The following CRMP1 variants were observed in gnomAD, a reference collection of about 807,000 sequenced individuals.
CRMP1 encodes the protein dihydropyrimidinase-related protein 1.
A neutral mutation model predicts 68.3 loss-of-function variants in CRMP1; 19 were observed. That is an observed-to-expected ratio of 0.28 (90% CI 0.19 to 0.41). The LOEUF (loss-of-function observed/expected upper bound fraction) is 0.41, where lower values mean the gene tolerates loss of function less well. Among genes scored for constraint, CRMP1 ranks in the 10% least tolerant of loss-of-function variants. The pLI, the probability that CRMP1 is intolerant of heterozygous loss-of-function variation, is 1.00. For missense variants in CRMP1, 791 were observed against 967.4 expected, an observed-to-expected ratio of 0.82 and a Z score of 2.42; for synonymous variants, 439 against 399.6, an observed-to-expected ratio of 1.10 and a Z score of -1.18.
chr4:5,831,325 A>G lies in CRMP1; in HGVS notation c.1624-2657T>C, dbSNP rs1017620979. 6.6e-5 allele frequency among the ~76,000 whole-genome samples: 10 copies of G among 152,148 alleles called. 1 individual carries two copies. The South Asian group carries it at 2.1e-3, about 32-fold the overall frequency. ...AAAGTGATTTTTGATTCTTCCATAG[A>G]AAAACTATCAATTCTTTATATTGGT... On this transcript the variant is annotated intron_variant, in intron 11 of 13. Coordinates refer to ENST00000324989, the MANE Select transcript of CRMP1 (RefSeq NM_001014809.3).
intron 2 of CRMP1, among the ~76,000 whole-genome samples, chr4:5,862,402 G>A (rs10222791): frequency 0.015 from 2,237 of 152,168 alleles, 48 homozygotes; most frequent in African/African-American, 0.051. Context: ...ACACCAGAAT[G>A]TCCAACTTGA....
rs1401568451 is a variant in CRMP1 at position 5,853,353 on chromosome 4, G to C, written c.821-1884C>G. Among the ~76,000 whole-genome samples the C allele has an allele frequency of 6.6e-6, 1 of 152,146 alleles. No individual in the cohort carries two copies. The highest frequency in any genetic ancestry group is 2.4e-5 in the African/African-American group (1 of 41,436). ...ACTTTAACCTGGGAGGCAGTGAGCT[G>C]AGATCTCGCCATTGCACTCCAGCCT... On this transcript the variant is annotated intron_variant, in intron 4 of 13. Transcript: ENST00000324989. This position sits in a 1 kb window ranked among gnomAD's most constrained non-coding sequence, Gnocchi z 4.7.
At chr4:5,851,744 GGAA>G (rs1318817545) in intron 4 of CRMP1, among the ~76,000 whole-genome samples, 1 of 150,822 alleles carries the variant, frequency 6.6e-6, no homozygotes, top group African/African-American at 2.5e-5. Context: ...AGGAGGAGGA[GGAA>G]GAGGAGAAGG....
At chr4:5,828,732 C>A in intron 11 of CRMP1, 64 bp from the exon 12 acceptor site, 1 of 1,557,692 alleles carries the variant, frequency 6.4e-7, no homozygotes, top group Non-Finnish European at 8.7e-7. Context: ...CTGTTCATAA[C>A]AGCGATTTTG....
intron 1 of CRMP1, among the ~76,000 whole-genome samples, chr4:5,875,050 T>C (rs1434457753): frequency 1.3e-5 from 2 of 152,188 alleles, no homozygotes; most frequent in African/African-American, 2.4e-5. Context: ...TCATCTCCCA[T>C]CCAGCCCCCA....
rs1007118607 is a variant in CRMP1, at chr4:5,892,829, G to A, written c.141C>T (p.Thr47=). ...AAVEGAYENK[T]IDFDAYSVGR... is the part of the protein sequence containing the mutation. Reference sequence around the variant, plus strand: ...CCACACTGTAGGCGTCGAAGTCGATGGTCTTGTTCTCGTAGGCGCCCTCCA... The same window carrying A: ...CCACACTGTAGGCGTCGAAGTCGATAGTCTTGTTCTCGTAGGCGCCCTCCA... Residue 47 remains threonine, a synonymous_variant, in exon 1 of 14, where the codon ACC becomes ACT. Coordinates refer to ENST00000324989, the MANE Select transcript of CRMP1 (RefSeq NM_001014809.3). The surrounding 1 kb of genome is among the most constrained non-coding windows in gnomAD (Gnocchi z 8.6). 64 of 1,407,678 alleles carry A rather than the reference G, an allele frequency of 4.5e-5. No individual in the cohort carries two copies. The Admixed American group carries it at 1.2e-3, about 25-fold the overall frequency. 87.2% of individuals were successfully genotyped at this position (1,407,678 alleles called of 1,614,324 possible).
chr4:5,830,244 A>T (rs1171162652), intron 11 of CRMP1, among the ~76,000 whole-genome samples: 1 of 152,192 alleles, frequency 6.6e-6, no homozygotes, highest in Non-Finnish European at 1.5e-5. Context: ...TAAAGAATTT[A>T]TCCTTTGTTA....
At chr4:5,878,176 G>A (rs1714973029) in intron 1 of CRMP1, among the ~76,000 whole-genome samples, 1 of 151,466 alleles carries the variant, frequency 6.6e-6, no homozygotes, top group Admixed American at 6.6e-5. Context: ...GCCAAGAGAT[G>A]GTACAGCAGC....
chr4:5,889,761 C>G lies in CRMP1; in HGVS notation c.381+2828G>C. On this transcript the variant is annotated intron_variant, in intron 1 of 13. Coordinates refer to ENST00000324989, the MANE Select transcript of CRMP1 (RefSeq NM_001014809.3). This position sits in a 1 kb window ranked among gnomAD's most constrained non-coding sequence, Gnocchi z 4.5. Reference sequence around the variant, plus strand: ...TAGGCTTGGTACAGCTCCCCCAGCACTGTGGTTGGGGGCTGGGGCCCTGAC... The same window carrying G: ...TAGGCTTGGTACAGCTCCCCCAGCAGTGTGGTTGGGGGCTGGGGCCCTGAC... 4 of 1,534,216 alleles carry G rather than the reference C, an allele frequency of 2.6e-6. No individual in the cohort carries two copies. Among genetic ancestry groups the G allele is most frequent in the Non-Finnish European group, 3.5e-6 (4 of 1,145,542 alleles).
chr4:5,850,022 C>T lies in CRMP1; in HGVS notation c.883-550G>A, dbSNP rs1355096456. ...ACTCAGAAAATATATAGCATGCCAA[C>T]CATCCTCTCAATTAGACAAAACAGG... On this transcript the variant is annotated intron_variant, in intron 5 of 13. Coordinates refer to ENST00000324989, the MANE Select transcript of CRMP1 (RefSeq NM_001014809.3). The surrounding 1 kb of genome is among the most constrained non-coding windows in gnomAD (Gnocchi z 4.4). Among the ~76,000 whole-genome samples the T allele has an allele frequency of 6.6e-6, 1 of 152,138 alleles. No homozygotes were observed. The highest frequency in any genetic ancestry group is 1.5e-5 in the Non-Finnish European group (1 of 68,018).
rs1161207141 is a variant in CRMP1 at position 5,854,674 on chromosome 4, T to C, written c.820+1469A>G. Among the ~76,000 whole-genome samples the C allele has an allele frequency of 6.6e-6, 1 of 152,156 alleles. No individual in the cohort carries two copies. Among genetic ancestry groups the C allele is most frequent in the Non-Finnish European group, 1.5e-5 (1 of 68,038 alleles). On this transcript the variant is annotated intron_variant, in intron 4 of 13. Transcript: ENST00000324989. The surrounding 1 kb of genome is among the most constrained non-coding windows in gnomAD (Gnocchi z 4.0). ...ATGTTGAATGTAATCAGTAAAGAAC[T>C]GCCATGAAAACCACAATGGTGGTGT...
At position 5,835,780 on chromosome 4, in the gene CRMP1, T is replaced by C. The variant is rs955957599; in HGVS notation, c.1623+135A>G. 9.9e-5 allele frequency: 105 copies of C among 1,064,036 alleles called. No individual in the cohort carries two copies. The East Asian group carries it at 3.1e-3, about 31-fold the overall frequency. 65.9% of individuals were successfully genotyped at this position (1,064,036 alleles called of 1,614,324 possible). On this transcript the variant is annotated intron_variant, in intron 11 of 13. Coordinates refer to ENST00000324989, the MANE Select transcript of CRMP1 (RefSeq NM_001014809.3). Reference sequence around the variant, plus strand: ...CCAATCTCTCCAACTGGAGGAGAAATGGGAATGACTGAGTCAGGCTAGATA... The same window carrying C: ...CCAATCTCTCCAACTGGAGGAGAAACGGGAATGACTGAGTCAGGCTAGATA...
At chr4:5,868,364 C>T (rs981077388) in intron 1 of CRMP1, among the ~76,000 whole-genome samples, 23 of 148,112 alleles carry the variant, frequency 1.6e-4, no homozygotes, top group Admixed American at 1.3e-3. Context: ...TGCAGTGGCA[C>T]GATTTCAGCT....
chr4:5,879,487 T>G lies in CRMP1; in HGVS notation c.382-12731A>C, dbSNP rs571362337. On this transcript the variant is annotated intron_variant, in intron 1 of 13. Coordinates refer to ENST00000324989, the MANE Select transcript of CRMP1 (RefSeq NM_001014809.3). The surrounding 1 kb of genome is among the most constrained non-coding windows in gnomAD (Gnocchi z 4.2). ...CCTTGGCACCAGAGATGGCAGCTTATTCCCACATAGCTTCTTAGCGGGGTG... is the reference window on the plus strand; with the variant it reads ...CCTTGGCACCAGAGATGGCAGCTTAGTCCCACATAGCTTCTTAGCGGGGTG... 6.6e-6 allele frequency among the ~76,000 whole-genome samples: 1 copy of G among 152,360 alleles called. No homozygotes were observed. The highest frequency in any genetic ancestry group is 1.9e-4 in the East Asian group (1 of 5,186).
Position 5,834,150 on chromosome 4 carries a change from T to C in CRMP1, c.1623+1765A>G, listed in dbSNP as rs146712524. Among the ~76,000 whole-genome samples the C allele has an allele frequency of 2.6e-3, 392 of 152,310 alleles. No homozygotes were observed. The highest frequency in any genetic ancestry group is 8.5e-3 in the African/African-American group (353 of 41,560). On this transcript the variant is annotated intron_variant, in intron 11 of 13. Transcript: ENST00000324989. This position sits in a 1 kb window ranked among gnomAD's most constrained non-coding sequence, Gnocchi z 4.3. Reference sequence around the variant, plus strand: ...GCTGACACAGACATTCACGTTCCTTTCTAGATAAGGATCACCTTGTGAAGC... The same window carrying C: ...GCTGACACAGACATTCACGTTCCTTCCTAGATAAGGATCACCTTGTGAAGC...
chr4:5,870,544 G>A lies in CRMP1; in HGVS notation c.382-3788C>T, dbSNP rs778431451. Among the ~76,000 whole-genome samples the A allele has an allele frequency of 6.6e-6, 1 of 152,208 alleles. No homozygotes were observed. Among genetic ancestry groups the A allele is most frequent in the Non-Finnish European group, 1.5e-5 (1 of 68,042 alleles). On this transcript the variant is annotated intron_variant, in intron 1 of 13. Transcript: ENST00000324989. This position sits in a 1 kb window ranked among gnomAD's most constrained non-coding sequence, Gnocchi z 6.0. ...CGTTTTCTTCACTGCTGTCTCTCCGGCATCTTGGACACAGCCTGGCTGGCT... is the reference window on the plus strand; with the variant it reads ...CGTTTTCTTCACTGCTGTCTCTCCGACATCTTGGACACAGCCTGGCTGGCT...
In CRMP1 at chr4:5,858,768, C is replaced by T. The variant is rs1393947122; in HGVS notation, c.655+2258G>A. Among the ~76,000 whole-genome samples the T allele has an allele frequency of 1.3e-5, 2 of 152,088 alleles. No individual in the cohort carries two copies. Among genetic ancestry groups the T allele is most frequent in the South Asian group, 2.1e-4 (1 of 4,816 alleles). Reference sequence around the variant, plus strand: ...AAGAGCCACAGCCTCATCAGGCCATCGAGGCCCAGGGTTGTCCTCTCCTTC... The same window carrying T: ...AAGAGCCACAGCCTCATCAGGCCATTGAGGCCCAGGGTTGTCCTCTCCTTC... On this transcript the variant is annotated intron_variant, in intron 3 of 13. Coordinates refer to ENST00000324989, the MANE Select transcript of CRMP1 (RefSeq NM_001014809.3). The surrounding 1 kb of genome is among the most constrained non-coding windows in gnomAD (Gnocchi z 5.5).
Position 5,877,617 on chromosome 4 carries a change from A to G in CRMP1, c.382-10861T>C, listed in dbSNP as rs931162869. On this transcript the variant is annotated intron_variant, in intron 1 of 13. Transcript: ENST00000324989. This position sits in a 1 kb window ranked among gnomAD's most constrained non-coding sequence, Gnocchi z 4.3. ...TGCAACCCACGAAGTGGCAACCGGT[A>G]TGAGCCTGAATCTAATTAACACACA... 3.3e-5 allele frequency among the ~76,000 whole-genome samples: 5 copies of G among 152,210 alleles called. No individual in the cohort carries two copies. Among genetic ancestry groups the G allele is most frequent in the African/African-American group, 1.2e-4 (5 of 41,458 alleles).
intron 1 of CRMP1, among the ~76,000 whole-genome samples, chr4:5,867,780 T>C (rs74953988): frequency 0.022 from 3,415 of 152,218 alleles, 111 homozygotes; most frequent in African/African-American, 0.071. Flanking sequence ...ATCTGGGGCA[T>C]TGGGCAGAGA....
Sources: allele counts gnomAD v4.1 joint callset (sites outside exome capture counted in the v4.1 genomes callset), GRCh38; gene constraint gnomAD v4.1.1; non-coding constraint Gnocchi (gnomAD v3.1); transcripts MANE v1.5; gene names NCBI Gene and HGNC (gene_info 2026-07-23, HGNC 2026-07-21).